NAGPA: variants seen among roughly 807,000 people sequenced by gnomAD.
NAGPA encodes the protein N-acetylglucosamine-1-phosphodiester alpha-N-acetylglucosaminidase.
In NAGPA, 56 loss-of-function variants were observed where a neutral mutation model predicts 48.5. The observed-to-expected ratio is 1.15, with a 90% confidence interval of 0.93 to 1.44. The LOEUF is 1.44. Ranked by LOEUF, NAGPA falls within the 40% of genes most tolerant of loss-of-function variation. The probability of loss-of-function intolerance (pLI) is 0.00; values close to 1 mark genes in which losing one functional copy is unlikely to be tolerated. For missense variants in NAGPA, 888 were observed against 735.0 expected (o/e 1.21, Z -2.41); for synonymous variants, 399 against 315.5 (o/e 1.26, Z -2.81).
chr16:5,027,293 A>C lies in NAGPA; in HGVS notation c.1261T>G (p.Cys421Gly). The C allele has an allele frequency of 6.2e-7, 1 of 1,614,244 alleles. No individual in the cohort carries two copies. The highest frequency in any genetic ancestry group is 8.5e-7 in the Non-Finnish European group (1 of 1,180,044). The change falls in exon 8 of 10, where the codon TGC becomes GGC. Residue 421 changes from cysteine to glycine, a missense_variant. Coordinates refer to ENST00000312251, the MANE Select transcript of NAGPA (RefSeq NM_016256.4). ...HCPCDPKTGNCSVSRVKQCLQ... is the reference protein window; with the variant it reads ...HCPCDPKTGNGSVSRVKQCLQ... ...GGATAGGTACCTCTGGAGACGCTGC[A>C]GTTGCCAGTCTTGGGGTCACAGGGA...
At chr16:5,028,552 G>A in intron 5 of NAGPA, 2 of 563,146 alleles carry the variant, frequency 3.6e-6, no homozygotes, top group Non-Finnish European at 6.4e-6. Context: ...GTCTTTTATA[G>A]GTTCCTCCGC....
intron 2 of NAGPA, among the ~76,000 whole-genome samples, chr16:5,032,486 C>A (rs1342418880): frequency 7.7e-6 from 1 of 130,266 alleles, no homozygotes; most frequent in African/African-American, 2.9e-5. Flanking sequence ...TGAACCCACT[C>A]CCCCGTTCCC....
At chr16:5,029,313 T>C (rs1596663807) in intron 4 of NAGPA, 1 of 403,258 alleles carries the variant, frequency 2.5e-6, no homozygotes, top group South Asian at 2.1e-5. Context: ...GGTGACAGAA[T>C]AGGAAGTGAG....
intron 3 of NAGPA, chr16:5,030,932 CTTTT>C (rs111445375): frequency 1.9e-5 from 4 of 209,092 alleles, no homozygotes; most frequent in African/African-American, 4.9e-5. Flanking sequence ...ACCGCCCACT[CTTTT>C]TTTTTTTTTG....
At position 5,033,463 on chromosome 16, in the gene NAGPA, T is replaced by A. The variant is rs747200616; in HGVS notation, c.352A>T (p.Arg118Ter). ...EPGGPGGCAA[R>*]RRATVEETAR... The stretch of plus-strand genomic sequence containing the variant: ...GTCTCCTCCACGGTGGCGCGTCGTC[T>A]CGCCGCGCAGCCGCCGGGTCCACCG... Residue 118 changes from arginine (R) to a stop codon, truncating the protein, a stop_gained, in exon 2 of 10, where the codon AGA (arginine) becomes TGA (stop). Coordinates refer to ENST00000312251, the MANE Select transcript of NAGPA (RefSeq NM_016256.4). LOFTEE classifies it high-confidence loss of function. This position sits in a 1 kb window ranked among gnomAD's most constrained non-coding sequence, Gnocchi z 4.2. 1.9e-6 allele frequency: 3 copies of A among 1,582,848 alleles called. No homozygotes were observed. In the East Asian group the frequency reaches 6.8e-5, roughly 36 times the overall value.
chr16:5,028,773 G>C (rs1008935418), intron 5 of NAGPA, 107 bp downstream of exon 5: 1 of 1,571,980 alleles, frequency 6.4e-7, no homozygotes, highest in Non-Finnish European at 8.7e-7. Flanking sequence ...CTGCTCTCTT[G>C]AACCCCCGGG....
Position 5,028,112 on chromosome 16 carries a change from G to A in NAGPA, c.994C>T (p.Pro332Ser), listed in dbSNP as rs1244111084. ...VCVHEPRCQP[P>S]DCHGHGTCVD... is the part of the protein sequence containing the mutation. ...CAGGTCCCGTGGCCGTGGCAGTCAGGCGGCTGGCAGCGGGGTTCGTGCACA... is the reference window on the plus strand; with the variant it reads ...CAGGTCCCGTGGCCGTGGCAGTCAGACGGCTGGCAGCGGGGTTCGTGCACA... Residue 332 changes from proline (P) to serine (S), a missense_variant, in exon 6 of 10, where the codon CCT becomes TCT. Physicochemically the swap from Pro to Ser is moderately conservative, Grantham distance 74. Coordinates refer to ENST00000312251, the MANE Select transcript of NAGPA (RefSeq NM_016256.4). 5.6e-6 allele frequency: 9 copies of A among 1,608,652 alleles called. No individual in the cohort carries two copies. The highest frequency in any genetic ancestry group is 1.7e-4 in the Middle Eastern group (1 of 6,052).
chr16:5,029,468 C>T lies in NAGPA; in HGVS notation c.792-460G>A, dbSNP rs549810422. ...AAGACCTCAGTCACAACTGAGGAGG[C>T]GACGGGGATTCTTCCAACAACCTAA... On this transcript the variant is annotated intron_variant, in intron 4 of 9. Coordinates refer to ENST00000312251, the MANE Select transcript of NAGPA (RefSeq NM_016256.4). 17 of 243,634 alleles carry T rather than the reference C, an allele frequency of 7.0e-5. No homozygotes were observed. In the East Asian group the frequency reaches 9.7e-4, roughly 14 times the overall value. 15.1% of individuals were successfully genotyped at this position (243,634 alleles called of 1,614,324 possible).
chr16:5,027,834 G>C lies in NAGPA; in HGVS notation c.1174+12C>G. ...CCGTCTCCCCATCCGCTAGTGGCGT[G>C]GCAGCTCCTACCTTCACTGCAGTTG... On this transcript the variant is annotated intron_variant, in intron 7 of 9. Coordinates refer to ENST00000312251, the MANE Select transcript of NAGPA (RefSeq NM_016256.4). The C allele has an allele frequency of 6.4e-7, 1 of 1,555,058 alleles. No homozygotes were observed. The highest frequency in any genetic ancestry group is 8.7e-7 in the Non-Finnish European group (1 of 1,149,258).
In NAGPA at chr16:5,033,323, C is replaced by G. The variant is rs1446969328; in HGVS notation, c.492G>C (p.Gly164=). Residue 164 remains glycine, a synonymous_variant, in exon 2 of 10, where the codon GGG becomes GGC. Coordinates refer to ENST00000312251, the MANE Select transcript of NAGPA (RefSeq NM_016256.4). The surrounding 1 kb of genome is among the most constrained non-coding windows in gnomAD (Gnocchi z 4.2). ...SDERRVSSSG[G]LQNAQFGIRR... The stretch of plus-strand genomic sequence containing the variant: ...GGATCCCGAACTGCGCGTTCTGCAG[C>G]CCCCCGGAGCTGCTCACCCGCCGCT... 1.3e-6 allele frequency: 2 copies of G among 1,597,458 alleles called. No individual in the cohort carries two copies. Among genetic ancestry groups the G allele is most frequent in the Non-Finnish European group, 1.7e-6 (2 of 1,179,426 alleles).
rs1596667508 is a variant in NAGPA at position 5,031,898 on chromosome 16, A to G, written c.543-14T>C. 2 of 1,614,078 alleles carry G rather than the reference A, an allele frequency of 1.2e-6. No homozygotes were observed. Among genetic ancestry groups the G allele is most frequent in the East Asian group, 2.2e-5 (1 of 44,888 alleles). ...TCAGACAGGTACCTGGATCCGGGGAAGGTGGGAAGCTCACTCACCAGCAGG... is the reference window on the plus strand; with the variant it reads ...TCAGACAGGTACCTGGATCCGGGGAGGGTGGGAAGCTCACTCACCAGCAGG... On this transcript the variant is annotated splice_polypyrimidine_tract_variant and intron_variant, in intron 2 of 9. Transcript: ENST00000312251.
At chr16:5,027,250 A>T (rs749604542) in intron 8 of NAGPA, 28 bp downstream of exon 8, 2 of 1,613,524 alleles carry the variant, frequency 1.2e-6, no homozygotes, top group Non-Finnish European at 1.7e-6. Flanking sequence ...GCGTCTGCCC[A>T]TACCCCTCCC....
intron 2 of NAGPA, chr16:5,032,993 G>A: frequency 1.8e-6 from 1 of 561,138 alleles, no homozygotes; most frequent in South Asian, 2.1e-5. Context: ...CTATTTACCC[G>A]GCTTTTGTTG....
chr16:5,025,709 A>T (rs1955988418), intron 9 of NAGPA, 24 bp from the exon 10 acceptor site: 1 of 1,575,628 alleles, frequency 6.3e-7, no homozygotes. Context: ...AGAAGCCCCA[A>T]GTGGGGGACT....
intron 5 of NAGPA, chr16:5,028,651 T>G: frequency 9.7e-6 from 5 of 515,566 alleles, no homozygotes; most frequent in Admixed American, 2.8e-5. Flanking sequence ...TACCACCTCC[T>G]TCAGATCTCA....
Position 5,025,612 on chromosome 16 carries a change from G to A in NAGPA, c.1414C>T (p.Leu472Phe), listed in dbSNP as rs770917515. The A allele has an allele frequency of 6.8e-6, 11 of 1,613,838 alleles. No individual in the cohort carries two copies. In the South Asian group the frequency reaches 9.9e-5, roughly 14 times the overall value. Residue 472 changes from leucine (L) to phenylalanine (F), a missense_variant, in exon 10 of 10, where the codon CTC (leucine) becomes TTC (phenylalanine). Leu to Phe is a conservative substitution (Grantham distance 22). Coordinates refer to ENST00000312251, the MANE Select transcript of NAGPA (RefSeq NM_016256.4). ...LISTAANLSL[L>F]LSRAERNRRL... ...CGGTTCCTCTCTGCTCTGGACAGGAGCAAGGACAGGTTTGCTGCAGTGCTG... is the reference window on the plus strand; with the variant it reads ...CGGTTCCTCTCTGCTCTGGACAGGAACAAGGACAGGTTTGCTGCAGTGCTG...
rs1956153645 is a variant in NAGPA at position 5,033,879 on chromosome 16, C to G, written c.36G>C (p.Arg12=). 2.6e-6 allele frequency: 4 copies of G among 1,549,202 alleles called. No homozygotes were observed. The highest frequency in any genetic ancestry group is 2.0e-5 in the Admixed American group (1 of 50,990). The part of the protein sequence containing the change: ...ATSTGRWLLL[R]LALFGFLWEA... The stretch of plus-strand genomic sequence containing the variant: ...CCCAGAGGAAGCCGAATAGTGCAAG[C>G]CGGAGGAGAAGCCAGCGACCCGTGG... Residue 12 remains arginine, a synonymous_variant, in exon 1 of 10, where the codon CGG becomes CGC. Transcript: ENST00000312251. The surrounding 1 kb of genome is among the most constrained non-coding windows in gnomAD (Gnocchi z 4.2).
chr16:5,030,547 T>G, intron 3 of NAGPA, 54 bp from the exon 4 acceptor site: 1 of 1,410,210 alleles, frequency 7.1e-7, no homozygotes, highest in East Asian at 2.5e-5. Flanking sequence ...CTCCTGCTTC[T>G]TGCCTAACTC....
At chr16:5,030,516 G>A (rs1013715445) in intron 3 of NAGPA, 23 bp from the exon 4 acceptor site, 1 of 1,541,518 alleles carries the variant, frequency 6.5e-7, no homozygotes, top group Non-Finnish European at 8.8e-7. Flanking sequence ...CAGCCTGGCT[G>A]ATCACCGCCC....
Sources: allele counts gnomAD v4.1 joint callset (sites outside exome capture counted in the v4.1 genomes callset), GRCh38; gene constraint gnomAD v4.1.1; non-coding constraint Gnocchi (gnomAD v3.1); transcripts MANE v1.5; gene names NCBI Gene and HGNC (gene_info 2026-07-23, HGNC 2026-07-21).